SHQ1: variants seen among roughly 807,000 people sequenced by gnomAD.
SHQ1 encodes the protein protein SHQ1 homolog.
In SHQ1, 49 loss-of-function variants were observed where a neutral mutation model predicts 53.8. The observed-to-expected ratio is 0.91, with a 90% CI of 0.72 to 1.16. The LOEUF is 1.16. Among genes scored for constraint, SHQ1 ranks in the 50% most tolerant of loss-of-function variants. SHQ1 has a pLI of 0.00. For missense variants in SHQ1, 738 were observed against 683.1 expected (o/e 1.08, Z -0.90); for synonymous variants, 243 against 251.0 (o/e 0.97, Z 0.30).
chr3:72,807,775 T>G (rs1200451848), intron 9 of SHQ1, among the ~76,000 whole-genome samples: 1 of 152,226 alleles, frequency 6.6e-6, no homozygotes, highest in Admixed American at 6.5e-5. Flanking sequence ...ACCATAGCTC[T>G]TCTTTCCTTT....
chr3:72,819,228 G>A lies in SHQ1; in HGVS notation c.728-1844C>T, dbSNP rs143073577. The stretch of plus-strand genomic sequence containing the variant: ...ACTTTAAGCACTAGTTCCTTGGTTT[G>A]TAGGCAATCTGGATTTGCACTCTTA... On this transcript the variant is annotated intron_variant, in intron 6 of 10. Transcript: ENST00000325599. Among the ~76,000 whole-genome samples the A allele has an allele frequency of 4.6e-5, 7 of 152,278 alleles. No individual in the cohort carries two copies. The East Asian group carries it at 1.2e-3, about 25-fold the overall frequency.
At chr3:72,821,132 T>C (rs959504994) in intron 6 of SHQ1, among the ~76,000 whole-genome samples, 1 of 152,322 alleles carries the variant, frequency 6.6e-6, no homozygotes, top group East Asian at 1.9e-4. Flanking sequence ...AAAATTGTGC[T>C]GCATTCAAAC....
downstream of SHQ1, among the ~76,000 whole-genome samples, chr3:72,747,368 G>A (rs934952010): frequency 4.6e-5 from 7 of 152,108 alleles, no homozygotes; most frequent in African/African-American, 9.7e-5. Context: ...TTACTCTCCC[G>A]TCAGACATAA....
chr3:72,847,276 GAGA>G (rs1708366862), intron 1 of SHQ1, among the ~76,000 whole-genome samples: 1 of 152,200 alleles, frequency 6.6e-6, no homozygotes, highest in Non-Finnish European at 1.5e-5. Flanking sequence ...TTGACTGGTG[GAGA>G]AGGTTTGTAC....
chr3:72,760,849 C>T (rs1257602820), intron 10 of SHQ1, among the ~76,000 whole-genome samples: 1 of 152,144 alleles, frequency 6.6e-6, no homozygotes, highest in African/African-American at 2.4e-5. Context: ...TGACCACTTT[C>T]CAAAAGTCCC....
chr3:72,772,459 ACTCATCT>A (rs1224120655), intron 10 of SHQ1: 10 of 447,288 alleles, frequency 2.2e-5, no homozygotes, highest in African/African-American at 1.4e-4. Context: ...TCAGATGTTC[ACTCATCT>A]GGATCTTCAA....
chr3:72,751,182 G>C (rs1447661998), intron 10 of SHQ1, among the ~76,000 whole-genome samples: 1 of 152,052 alleles, frequency 6.6e-6, no homozygotes, highest in Non-Finnish European at 1.5e-5. Context: ...AGGCTGAGGC[G>C]GGTGGATCAC....
At chr3:72,818,841 T>C (rs1707391373) in intron 6 of SHQ1, among the ~76,000 whole-genome samples, 1 of 152,174 alleles carries the variant, frequency 6.6e-6, no homozygotes, top group Non-Finnish European at 1.5e-5. Context: ...TGTAGAGGCC[T>C]CTAAGATCTA....
chr3:72,734,895 T>C, the SHQ1 span, among the ~76,000 whole-genome samples: 4 of 151,508 alleles, frequency 2.6e-5, 1 homozygote, highest in African/African-American at 9.7e-5. Context: ...GATCCCCTCA[T>C]CCTAGAGACA....
chr3:72,826,692 G>T (rs1255420817), intron 5 of SHQ1, among the ~76,000 whole-genome samples: 3 of 152,186 alleles, frequency 2.0e-5, no homozygotes, highest in Admixed American at 6.5e-5. Flanking sequence ...CTAAACCAAT[G>T]GTTGAATGAT....
At chr3:72,770,418 C>G (rs962646727) in intron 10 of SHQ1, among the ~76,000 whole-genome samples, 1 of 152,004 alleles carries the variant, frequency 6.6e-6, no homozygotes, top group African/African-American at 2.4e-5. Context: ...CTTCCCAAAT[C>G]AGAAACAGGA....
At chr3:72,833,493 GATA>G (rs1707894946) in intron 4 of SHQ1, among the ~76,000 whole-genome samples, 29 of 35,710 alleles carry the variant, frequency 8.1e-4, no homozygotes, top group African/African-American at 1.8e-3. Flanking sequence ...TAGATAGATA[GATA>G]GATAGACAGA....
the SHQ1 span, among the ~76,000 whole-genome samples, chr3:72,729,381 T>G: frequency 1.3e-5 from 2 of 152,286 alleles, no homozygotes; most frequent in African/African-American, 4.8e-5. Flanking sequence ...TCTTGGAGCC[T>G]GGGGCCGCTG....
chr3:72,793,874 C>CAT (rs1706520407), intron 9 of SHQ1: 1 of 152,208 alleles, frequency 6.6e-6, no homozygotes, highest in Non-Finnish European at 1.5e-5. Flanking sequence ...ACAAAACTCA[C>CAT]ATGAACAAAA....
chr3:72,778,961 A>G (rs1706017410), intron 10 of SHQ1, among the ~76,000 whole-genome samples: 1 of 152,114 alleles, frequency 6.6e-6, no homozygotes, highest in Non-Finnish European at 1.5e-5. Context: ...TAAAAATCCT[A>G]ATTCCCTAGT....
rs750318150 is a variant in SHQ1 at position 72,750,861 on chromosome 3, A to G, written c.1182-25T>C. The G allele has an allele frequency of 6.6e-5, 98 of 1,478,664 alleles. No homozygotes were observed. The African/African-American group carries it at 1.1e-3, about 17-fold the overall frequency. The allele number at this position is 1,478,664 out of a possible 1,614,324, so 91.6% of individuals were successfully genotyped here. A position where few individuals can be genotyped will look rare whatever the true frequency, so the allele number is the denominator to read the frequency against. ...TCTTGAAAACATTTTAAAAAGAAAGATTAGAATTATTTATTAATTGGCCTG... is the reference window on the plus strand; with the variant it reads ...TCTTGAAAACATTTTAAAAAGAAAGGTTAGAATTATTTATTAATTGGCCTG... On this transcript the variant is annotated intron_variant, in intron 10 of 10. Coordinates refer to ENST00000325599, the MANE Select transcript of SHQ1 (RefSeq NM_018130.3).
At chr3:72,743,985 G>A in the SHQ1 span, among the ~76,000 whole-genome samples, 1 of 152,166 alleles carries the variant, frequency 6.6e-6, no homozygotes, top group Admixed American at 6.5e-5. Flanking sequence ...ATCAGCAAGG[G>A]AAACGGGAGA....
the SHQ1 span, among the ~76,000 whole-genome samples, chr3:72,730,797 T>C: frequency 6.6e-6 from 1 of 152,148 alleles, no homozygotes; most frequent in African/African-American, 2.4e-5. Flanking sequence ...TCTCTCTCTC[T>C]CTCTCTTCCT....
chr3:72,765,552 TA>T (rs1275159287), intron 10 of SHQ1, among the ~76,000 whole-genome samples: 7,956 of 99,788 alleles, frequency 0.08, 366 homozygotes, highest in African/African-American at 0.13. Context: ...TATATATATA[TA>T]TATATTTTTT....
Sources: gnomAD v4.1 joint callset for allele counts (sites outside exome capture counted in the v4.1 genomes callset) on GRCh38, gnomAD v4.1.1 for gene constraint, MANE v1.5 for transcripts, NCBI Gene and HGNC (gene_info 2026-07-23, HGNC 2026-07-21) for gene names.